The following SHROOM3 variants were observed in gnomAD, a reference collection of about 807,000 sequenced individuals.
SHROOM3 encodes protein Shroom3.
A neutral mutation model predicts 138.6 loss-of-function variants in SHROOM3; 47 were observed. The ratio of observed to expected loss-of-function variants is 0.34; its 90% CI spans 0.27 to 0.43. The LOEUF (loss-of-function observed/expected upper bound fraction) is 0.43. SHROOM3 is among the 20% of genes least tolerant of loss of function. SHROOM3 has a pLI of 1.00. For synonymous variants in SHROOM3, 1,062 were observed against 1,063.3 expected, an observed-to-expected ratio of 1.00 and a Z score of 0.02; for missense variants, 2,491 against 2,596.5, an observed-to-expected ratio of 0.96 and a Z score of 0.88.
chr4:76,479,450 T>A (rs1579182536), intron 1 of SHROOM3, among the ~76,000 whole-genome samples: 1 of 151,786 alleles, frequency 6.6e-6, no homozygotes, highest in African/African-American at 2.4e-5. Flanking sequence ...TGAAAAGGAA[T>A]GAACAAAACC....
intron 3 of SHROOM3, among the ~76,000 whole-genome samples, chr4:76,726,361 T>G (rs1422535234): frequency 1.3e-5 from 2 of 151,892 alleles, no homozygotes; most frequent in African/African-American, 4.8e-5. Context: ...CTCAAGTCAC[T>G]TATCTTCTCT....
At position 76,749,066 on chromosome 4, in the gene SHROOM3, G is replaced by T; in HGVS notation, c.3803G>T (p.Cys1268Phe). Reference protein sequence around the residue: ...DSGFGLVKDPCYLAGPGSRSL... With the variant: ...DSGFGLVKDPFYLAGPGSRSL... The stretch of plus-strand genomic sequence containing the variant: ...GGCTTTGGTCTTGTGAAGGATCCAT[G>T]TTATTTGGCTGGTCCTGGATCTAGG... The change falls in exon 6 of 11, where the codon TGT becomes TTT. Residue 1268 changes from cysteine to phenylalanine, a missense_variant. Physicochemically the swap from Cys to Phe is radical, Grantham distance 205 (BLOSUM62 -2). Transcript: ENST00000296043. 6.2e-7 allele frequency: 1 copy of T among 1,614,022 alleles called. No homozygotes were observed. The highest frequency in any genetic ancestry group is 8.5e-7 in the Non-Finnish European group (1 of 1,179,958).
chr4:76,731,009 C>T (rs1560604567), intron 4 of SHROOM3, 74 bp downstream of exon 4: 1 of 1,578,222 alleles, frequency 6.3e-7, no homozygotes, highest in East Asian at 2.2e-5. Context: ...ATGTTTTCTT[C>T]TCTGTTTTGA....
Position 76,653,309 on chromosome 4 carries a change from G to A in SHROOM3, c.324-56847G>A, listed in dbSNP as rs182270580. On this transcript the variant is annotated intron_variant, in intron 2 of 10. Coordinates refer to ENST00000296043, the MANE Select transcript of SHROOM3 (RefSeq NM_020859.4). ...TGGGGTTGGATAGTTCTTTGTTGTT[G>A]GGTCTGCCCTGGCCATTGAAGGATG... 2.0e-5 allele frequency among the ~76,000 whole-genome samples: 3 copies of A among 151,816 alleles called. No homozygotes were observed. In the East Asian group the frequency reaches 5.8e-4, roughly 29 times the overall value.
At chr4:76,437,128 T>C (rs550474118) in intron 1 of SHROOM3, among the ~76,000 whole-genome samples, 1 of 152,316 alleles carries the variant, frequency 6.6e-6, no homozygotes, top group African/African-American at 2.4e-5. Flanking sequence ...CAAAAGGTTA[T>C]TTTTCAAATT....
chr4:76,655,495 A>C (rs1577954950), intron 2 of SHROOM3, among the ~76,000 whole-genome samples: 1 of 152,342 alleles, frequency 6.6e-6, no homozygotes, highest in East Asian at 1.9e-4. Flanking sequence ...GCAGGAAAAA[A>C]GGGAAAAATG....
intron 1 of SHROOM3, among the ~76,000 whole-genome samples, chr4:76,446,292 C>T (rs973084708): frequency 2.0e-5 from 3 of 150,538 alleles, no homozygotes; most frequent in Non-Finnish European, 4.4e-5. Flanking sequence ...AAGAACCCTT[C>T]CATCTATGTT....
intron 1 of SHROOM3, among the ~76,000 whole-genome samples, chr4:76,514,421 T>C (rs1244266688): frequency 7.0e-6 from 1 of 141,982 alleles, no homozygotes; most frequent in Non-Finnish European, 1.6e-5. Flanking sequence ...ATTCCACTCA[T>C]ATGAAATGCC....
intron 2 of SHROOM3, among the ~76,000 whole-genome samples, chr4:76,652,959 T>C (rs777608155): frequency 2.6e-5 from 4 of 152,090 alleles, no homozygotes; most frequent in Non-Finnish European, 4.4e-5. Flanking sequence ...TATCATGGTG[T>C]GGTGAGACAA....
rs1381324353 is a variant in SHROOM3 at position 76,739,807 on chromosome 4, A to T, written c.1634A>T (p.Lys545Ile). Residue 545 changes from lysine (K) to isoleucine (I), a missense_variant, in exon 5 of 11, where the codon AAA (lysine) becomes ATA (isoleucine). Coordinates refer to ENST00000296043, the MANE Select transcript of SHROOM3 (RefSeq NM_020859.4). ...GACTTGCTGTCCCCAGTGGAGAAGAAACCAGAAGCTACAGCCAAGTATGTC... is the reference window on the plus strand; with the variant it reads ...GACTTGCTGTCCCCAGTGGAGAAGATACCAGAAGCTACAGCCAAGTATGTC... The part of the protein sequence containing the change: ...EHDLLSPVEK[K>I]PEATAKYVPS... 5.0e-6 allele frequency: 8 copies of T among 1,614,180 alleles called. No homozygotes were observed. Among genetic ancestry groups the T allele is most frequent in the Non-Finnish European group, 5.9e-6 (7 of 1,180,032 alleles).
At chr4:76,568,918 T>C (rs1560548958) in intron 2 of SHROOM3, among the ~76,000 whole-genome samples, 1 of 152,198 alleles carries the variant, frequency 6.6e-6, no homozygotes, top group Non-Finnish European at 1.5e-5. Flanking sequence ...CTCACTTTTT[T>C]ATCTGGGAAG....
chr4:76,670,192 T>A (rs1718835728), intron 2 of SHROOM3, among the ~76,000 whole-genome samples: 1 of 152,256 alleles, frequency 6.6e-6, no homozygotes, highest in African/African-American at 2.4e-5. Context: ...ATAATCCAAG[T>A]GTTCATCAAC....
At chr4:76,591,343 G>A (rs190674547) in intron 2 of SHROOM3, among the ~76,000 whole-genome samples, 11 of 152,278 alleles carry the variant, frequency 7.2e-5, no homozygotes, top group South Asian at 2.1e-4. Flanking sequence ...TCTGAATGGC[G>A]TCTATAAAGA....
At chr4:76,746,781 C>CATTATTATT (rs199823641) in intron 5 of SHROOM3, among the ~76,000 whole-genome samples, 6 of 140,588 alleles carry the variant, frequency 4.3e-5, no homozygotes, top group East Asian at 2.1e-4. Flanking sequence ...TTTAGATTTA[C>CATTATTATT]ATTATTATTA....
chr4:76,528,210 A>T (rs1035151286), intron 1 of SHROOM3, among the ~76,000 whole-genome samples: 1 of 152,202 alleles, frequency 6.6e-6, no homozygotes, highest in Non-Finnish European at 1.5e-5. Flanking sequence ...ATTGAATTAG[A>T]TTAACTTATT....
At chr4:76,566,438 A>G (rs1335868337) in intron 2 of SHROOM3, among the ~76,000 whole-genome samples, 1 of 152,180 alleles carries the variant, frequency 6.6e-6, no homozygotes, top group African/African-American at 2.4e-5. Flanking sequence ...CCCATGTTTC[A>G]AAAACCACAC....
At chr4:76,608,627 A>G (rs529737869) in intron 2 of SHROOM3, among the ~76,000 whole-genome samples, 2 of 10,880 alleles carry the variant, frequency 1.8e-4, no homozygotes, top group Admixed American at 4.3e-3. Flanking sequence ...CAGAGATGGT[A>G]TAGCATAGCA....
At chr4:76,582,760 G>T (rs140069836) in intron 2 of SHROOM3, among the ~76,000 whole-genome samples, 1 of 152,296 alleles carries the variant, frequency 6.6e-6, no homozygotes, top group Non-Finnish European at 1.5e-5. Context: ...TGATGTTCTA[G>T]ACCAGAGGCC....
chr4:76,546,720 T>C (rs1051040458), intron 1 of SHROOM3, among the ~76,000 whole-genome samples: 2 of 152,212 alleles, frequency 1.3e-5, no homozygotes, highest in Non-Finnish European at 2.9e-5. Flanking sequence ...ATCGCACTTA[T>C]AGAGAGCATA....
Sources: allele counts gnomAD v4.1 joint callset (sites outside exome capture counted in the v4.1 genomes callset), GRCh38; gene constraint gnomAD v4.1.1; transcripts MANE v1.5; gene names NCBI Gene and HGNC (gene_info 2026-07-23, HGNC 2026-07-21).